LRRC4C: variants seen among roughly 807,000 people sequenced by gnomAD.
LRRC4C encodes leucine rich repeat containing 4C, also known as leucine-rich repeat-containing protein 4C.
Under a neutral mutation model 33.6 loss-of-function variants are expected in LRRC4C, and 5 were observed. That is an observed-to-expected ratio of 0.15 (90% CI 0.08 to 0.31). LRRC4C has a LOEUF of 0.31. LRRC4C is among the 10% of genes least tolerant of loss of function. The pLI is 1.00. For missense variants in LRRC4C, 560 were observed against 796.7 expected (o/e 0.70, Z 3.58); for synonymous variants, 329 against 302.0 (o/e 1.09, Z -0.93).
At chr11:41,034,512 G>A (rs1447104395) in intron 1 of LRRC4C, among the ~76,000 whole-genome samples, 2 of 143,150 alleles carry the variant, frequency 1.4e-5, no homozygotes, top group African/African-American at 2.6e-5. Context: ...CAAAATATAT[G>A]TGTGTATATA....
At chr11:40,558,359 T>A (rs1957410683) in intron 3 of LRRC4C, among the ~76,000 whole-genome samples, 1 of 152,234 alleles carries the variant, frequency 6.6e-6, no homozygotes, top group Non-Finnish European at 1.5e-5. Context: ...TGCACAGTAA[T>A]TCTGAAAGTG....
intron 1 of LRRC4C, among the ~76,000 whole-genome samples, chr11:41,286,124 C>T (rs916767752): frequency 2.0e-5 from 3 of 152,124 alleles, no homozygotes; most frequent in East Asian, 1.9e-4. Context: ...CCACCACGCC[C>T]GCCTAGTCAA....
intron 3 of LRRC4C, among the ~76,000 whole-genome samples, chr11:40,519,859 A>C (rs1955735415): frequency 6.6e-6 from 1 of 152,256 alleles, no homozygotes; most frequent in Non-Finnish European, 1.5e-5. Context: ...GAGAAGCTGC[A>C]GCAATTTATC....
intron 3 of LRRC4C, among the ~76,000 whole-genome samples, chr11:40,459,380 C>T (rs1423645289): frequency 1.3e-5 from 2 of 152,030 alleles, no homozygotes; most frequent in East Asian, 3.9e-4. Context: ...ATCGTCAGCA[C>T]TCAGGAATCT....
intron 1 of LRRC4C, among the ~76,000 whole-genome samples, chr11:41,015,056 A>G (rs1855481378): frequency 6.6e-6 from 1 of 152,196 alleles, no homozygotes; most frequent in Non-Finnish European, 1.5e-5. Context: ...ATGCAGTACA[A>G]TAGACTGGGA....
intron 3 of LRRC4C, among the ~76,000 whole-genome samples, chr11:40,438,153 C>A (rs1439543254): frequency 6.6e-6 from 1 of 152,198 alleles, no homozygotes; most frequent in Non-Finnish European, 1.5e-5. Flanking sequence ...CTGTTTTTCA[C>A]CACTAGGCAT....
At chr11:40,328,298 C>T (rs1240996837) in intron 3 of LRRC4C, among the ~76,000 whole-genome samples, 1 of 152,140 alleles carries the variant, frequency 6.6e-6, no homozygotes. Context: ...TCTAGGAAGC[C>T]TGCTAGGCTC....
At chr11:40,344,401 AC>A (rs1405587187) in intron 3 of LRRC4C, among the ~76,000 whole-genome samples, 16 of 152,116 alleles carry the variant, frequency 1.1e-4, no homozygotes, top group Admixed American at 1.3e-4. Context: ...AAAAACAAAA[AC>A]CAAATAATTA....
At chr11:40,371,694 T>C (rs537291715) in intron 3 of LRRC4C, among the ~76,000 whole-genome samples, 43 of 152,276 alleles carry the variant, frequency 2.8e-4, no homozygotes, top group African/African-American at 8.9e-4. Context: ...ACAAAGCCTA[T>C]GGTTTGATGG....
At chr11:40,957,121 A>G (rs1958993004) in intron 1 of LRRC4C, among the ~76,000 whole-genome samples, 1 of 151,790 alleles carries the variant, frequency 6.6e-6, no homozygotes, top group Non-Finnish European at 1.5e-5. Context: ...ATGTTCTGAC[A>G]CTTGACATTT....
At chr11:40,308,247 C>G (rs1273172938) in intron 4 of LRRC4C, among the ~76,000 whole-genome samples, 1 of 152,134 alleles carries the variant, frequency 6.6e-6, no homozygotes, top group Non-Finnish European at 1.5e-5. Context: ...TCTCTTTTCC[C>G]AGAGAGTTTG....
At chr11:41,348,513 T>C (rs1951870511) in intron 1 of LRRC4C, among the ~76,000 whole-genome samples, 2 of 151,848 alleles carry the variant, frequency 1.3e-5, no homozygotes, top group African/African-American at 4.8e-5. Context: ...TGACATGAAT[T>C]GAATAAGAAA....
At chr11:41,380,586 G>A (rs2137883686) in intron 1 of LRRC4C, among the ~76,000 whole-genome samples, 1 of 152,160 alleles carries the variant, frequency 6.6e-6, no homozygotes, top group South Asian at 2.1e-4. Context: ...TTACAACTGG[G>A]CAGTTTATAA....
chr11:40,802,457 T>C (rs1299451695), intron 2 of LRRC4C, among the ~76,000 whole-genome samples: 2 of 151,826 alleles, frequency 1.3e-5, no homozygotes, highest in African/African-American at 4.8e-5. Context: ...AACCAGAGCA[T>C]TTAATAAAAC....
intron 1 of LRRC4C, among the ~76,000 whole-genome samples, chr11:41,304,803 A>G (rs867905273): frequency 1.3e-3 from 63 of 46,806 alleles, no homozygotes; most frequent in South Asian, 1.8e-3. Flanking sequence ...CAGCCGCCCC[A>G]TCCGGGAGGG....
intron 3 of LRRC4C, among the ~76,000 whole-genome samples, chr11:40,600,565 A>G (rs1959883712): frequency 1.3e-5 from 2 of 152,156 alleles, no homozygotes. Flanking sequence ...GACACCCCCC[A>G]GTACTGCTGC....
chr11:40,535,226 G>A (rs16934915), intron 3 of LRRC4C, among the ~76,000 whole-genome samples: 13,381 of 152,094 alleles, frequency 0.088, 1,674 homozygotes, highest in African/African-American at 0.28. Flanking sequence ...AACAGACTTC[G>A]AAAATAGGTT....
At chr11:40,473,175 C>T (rs918207806) in intron 3 of LRRC4C, among the ~76,000 whole-genome samples, 3 of 152,176 alleles carry the variant, frequency 2.0e-5, no homozygotes, top group Admixed American at 2.0e-4. Flanking sequence ...GGCCAATATC[C>T]CTGATGAACA....
At position 40,290,627 on chromosome 11, in the gene LRRC4C, C is replaced by T. The variant is rs149511463; in HGVS notation, c.-176+29001G>A. On this transcript the variant is annotated intron_variant, in intron 4 of 6. Coordinates refer to ENST00000528697, the MANE Select transcript of LRRC4C (RefSeq NM_001258419.2). ...TCTTTAATGACTCTCTGGGGACCAC[C>T]ACTCACAGGATTAAACACTAAGAAG... is the stretch of plus-strand genomic sequence containing the variant. Among the ~76,000 whole-genome samples, 5 of 152,254 alleles carry T rather than the reference C, an allele frequency of 3.3e-5. No individual in the cohort carries two copies. In the East Asian group the frequency reaches 9.6e-4, roughly 29 times the overall value.
Sources: allele counts gnomAD v4.1 joint callset (sites outside exome capture counted in the v4.1 genomes callset), GRCh38; gene constraint gnomAD v4.1.1; transcripts MANE v1.5; gene names NCBI Gene and HGNC (gene_info 2026-07-23, HGNC 2026-07-21).